Variants in SESN2 observed in about 807,000 individuals in gnomAD.
SESN2 encodes sestrin-2.
A neutral mutation model predicts 56.0 loss-of-function variants in SESN2; 42 were observed. The observed-to-expected ratio is 0.75, with a 90% CI of 0.59 to 0.97. SESN2 has a LOEUF of 0.97. Among genes scored for constraint, SESN2 ranks in the 50% least tolerant of loss-of-function variants. The pLI is 0.00. For synonymous variants in SESN2, 264 were observed against 267.1 expected, an observed-to-expected ratio of 0.99 and a Z score of 0.11; for missense variants, 507 against 649.4, an observed-to-expected ratio of 0.78 and a Z score of 2.38.
intron 1 of SESN2, among the ~76,000 whole-genome samples, chr1:28,264,091 C>T (rs1324254928): frequency 5.3e-5 from 8 of 149,960 alleles, no homozygotes; most frequent in Non-Finnish European, 7.4e-5. Context: ...AGGCCAGGCA[C>T]GGTGGCTCAA....
Position 28,274,132 on chromosome 1 carries a change from C to T in SESN2, c.994C>T (p.Gln332Ter). Reference sequence around the variant, plus strand: ...TGAGGACTTCACTCGGAGAGGGGCTCAGGCACCCCCTACCTTCCGGGCCCA... The same window carrying T: ...TGAGGACTTCACTCGGAGAGGGGCTTAGGCACCCCCTACCTTCCGGGCCCA... The part of the protein sequence containing the change: ...GYEDFTRRGA[Q>*]APPTFRAQDY... The change falls in exon 7 of 10, where the codon CAG (glutamine) becomes TAG (stop). Residue 332 changes from glutamine to a stop codon, truncating the protein, a stop_gained. Transcript: ENST00000253063. LOFTEE classifies it high-confidence loss of function. 1.9e-6 allele frequency: 3 copies of T among 1,613,478 alleles called. No individual in the cohort carries two copies. In the South Asian group the frequency reaches 3.3e-5, roughly 18 times the overall value.
At chr1:28,267,760 G>A (rs968728109) in intron 1 of SESN2, among the ~76,000 whole-genome samples, 2 of 152,196 alleles carry the variant, frequency 1.3e-5, no homozygotes, top group East Asian at 3.8e-4. Context: ...TAAAGAGGCT[G>A]CAGCATATAA....
chr1:28,260,242 G>A (rs1476614299), intron 1 of SESN2, among the ~76,000 whole-genome samples: 1 of 151,828 alleles, frequency 6.6e-6, no homozygotes, highest in Non-Finnish European at 1.5e-5. Flanking sequence ...GCCAATGAGG[G>A]AGAAGCCTTC....
Position 28,280,722 on chromosome 1 carries a change from G to T in SESN2, c.1363G>T (p.Val455Leu). The change falls in exon 10 of 10, where the codon GTG becomes TTG. Residue 455 changes from valine (V) to leucine (L), a missense_variant. Coordinates refer to ENST00000253063, the MANE Select transcript of SESN2 (RefSeq NM_031459.5). ...GCCTTCCTCTGTGCCCCAGGTCCAC[G>T]TGAACTTGCTGCTCCTGGAGGCGCG... ...RHFRHSEKVH[V>L]NLLLLEARMQ... The T allele has an allele frequency of 6.2e-7, 1 of 1,612,906 alleles. No homozygotes were observed.
intron 8 of SESN2, among the ~76,000 whole-genome samples, chr1:28,277,648 C>G (rs572654446): frequency 1.3e-5 from 2 of 152,204 alleles, no homozygotes; most frequent in East Asian, 3.9e-4. Flanking sequence ...TTTAGTGAAC[C>G]CATGATTTTT....
chr1:28,280,857 G>C lies in SESN2; in HGVS notation c.*55G>C. The C allele has an allele frequency of 3.6e-6, 5 of 1,397,634 alleles. No individual in the cohort carries two copies. The highest frequency in any genetic ancestry group is 5.1e-6 in the Non-Finnish European group (5 of 987,740). 86.6% of individuals were successfully genotyped at this position (1,397,634 alleles called of 1,614,324 possible). A position where few individuals can be genotyped will look rare whatever the true frequency, so the allele number is the denominator to read the frequency against. On this transcript the variant is annotated 3_prime_UTR_variant, in exon 10 of 10. Transcript: ENST00000253063. ...CTCCCCACAAGGACTTCTCTGTCTG[G>C]AGACAGCCCCAGACCCTTTTGTGTC... is the stretch of plus-strand genomic sequence containing the variant.
Sources: gnomAD v4.1 joint callset for allele counts (sites outside exome capture counted in the v4.1 genomes callset) on GRCh38, gnomAD v4.1.1 for gene constraint, MANE v1.5 for transcripts, NCBI Gene and HGNC (gene_info 2026-07-23, HGNC 2026-07-21) for gene names.